Variants in ZSWIM2 observed in about 807,000 individuals in gnomAD.
ZSWIM2 encodes E3 ubiquitin-protein ligase ZSWIM2.
Under a neutral mutation model 48.4 loss-of-function variants are expected in ZSWIM2, and 38 were observed. The ratio of observed to expected loss-of-function variants is 0.79; its 90% confidence interval spans 0.61 to 1.03. The LOEUF (loss-of-function observed/expected upper bound fraction) is 1.03. Among genes scored for constraint, ZSWIM2 ranks in the 50% least tolerant of loss-of-function variants. The pLI, the probability that ZSWIM2 is intolerant of heterozygous loss-of-function variation, is 0.00. For synonymous variants in ZSWIM2, 240 were observed against 251.3 expected (o/e 0.96, Z 0.42); for missense variants, 776 against 730.2 (o/e 1.06, Z -0.72).
At chr2:186,846,786 CAT>C (rs746197579) in intron 2 of ZSWIM2, among the ~76,000 whole-genome samples, 14,362 of 103,130 alleles carry the variant, frequency 0.14, 1,202 homozygotes, top group African/African-American at 0.27. Flanking sequence ...TGTGTATAAA[CAT>C]ATATATATAC....
chr2:186,831,747 C>T (rs1002903511), intron 7 of ZSWIM2, among the ~76,000 whole-genome samples: 8 of 151,956 alleles, frequency 5.3e-5, no homozygotes, highest in Admixed American at 1.3e-4. Flanking sequence ...AAGCTGGAAA[C>T]CATCATTCTC....
At chr2:186,837,588 A>G in intron 4 of ZSWIM2, 34 bp from the exon 5 acceptor site, 1 of 1,553,382 alleles carries the variant, frequency 6.4e-7, no homozygotes, top group Non-Finnish European at 8.7e-7. Flanking sequence ...TACCATTTGT[A>G]TAGAGCAGTT....
intron 7 of ZSWIM2, among the ~76,000 whole-genome samples, chr2:186,831,414 TTTA>T (rs1385315951): frequency 6.6e-6 from 1 of 151,372 alleles, no homozygotes; most frequent in Non-Finnish European, 1.5e-5. Flanking sequence ...TATATATATA[TTTA>T]ATGAGAACAA....
At chr2:186,834,159 C>T in intron 5 of ZSWIM2, 129 bp from the exon 6 acceptor site, 1 of 654,126 alleles carries the variant, frequency 1.5e-6, no homozygotes, top group Non-Finnish European at 2.7e-6. Context: ...TCAAGTCACA[C>T]TGTGTATTAG....
In ZSWIM2 at chr2:186,828,578, A is replaced by G. The variant is rs910905533; in HGVS notation, c.1308T>C (p.Asn436=). ...IPGTGLVLKQ[N]RLGILPSIPQ... The stretch of plus-strand genomic sequence containing the variant: ...GTATGCTAGGTAAAATTCCAAGTCT[A>G]TTTTGTTTTAAGACTAATCCAGTAC... Residue 436 remains asparagine (N), a synonymous_variant, in exon 9 of 9, where the codon AAT becomes AAC. Transcript: ENST00000295131. 2 of 1,612,856 alleles carry G rather than the reference A, an allele frequency of 1.2e-6. No homozygotes were observed. Among genetic ancestry groups the G allele is most frequent in the African/African-American group, 1.3e-5 (1 of 74,864 alleles).
intron 3 of ZSWIM2, among the ~76,000 whole-genome samples, chr2:186,843,308 C>T (rs942136014): frequency 1.3e-5 from 2 of 151,452 alleles, no homozygotes; most frequent in African/African-American, 4.8e-5. Flanking sequence ...AACCATACAA[C>T]CTAGTCATCA....
At chr2:186,842,349 C>T (rs1181520755) in intron 3 of ZSWIM2, among the ~76,000 whole-genome samples, 1 of 151,042 alleles carries the variant, frequency 6.6e-6, no homozygotes, top group Non-Finnish European at 1.5e-5. Context: ...TTACATTGTA[C>T]ACATGGGATT....
rs1559111565 is a variant in ZSWIM2, at chr2:186,830,425, C to T, written c.942-545G>A. Reference sequence around the variant, plus strand: ...TAAGTAGTCACATCAAATAAAAATGCTAACCTAAAATTTTTGAGTTTGAGT... The same window carrying T: ...TAAGTAGTCACATCAAATAAAAATGTTAACCTAAAATTTTTGAGTTTGAGT... On this transcript the variant is annotated intron_variant, in intron 7 of 8. Transcript: ENST00000295131. 3.9e-5 allele frequency among the ~76,000 whole-genome samples: 6 copies of T among 152,110 alleles called. No individual in the cohort carries two copies. In the South Asian group the frequency reaches 1.2e-3, roughly 32 times the overall value.
chr2:186,843,039 C>T lies in ZSWIM2; in HGVS notation c.283+1678G>A, dbSNP rs1006716666. Among the ~76,000 whole-genome samples the T allele has an allele frequency of 7.3e-5, 11 of 151,476 alleles. 1 individual carries two copies. Among genetic ancestry groups the T allele is most frequent in the African/African-American group, 1.5e-4 (6 of 41,342 alleles). On this transcript the variant is annotated intron_variant, in intron 3 of 8. Coordinates refer to ENST00000295131, the MANE Select transcript of ZSWIM2 (RefSeq NM_182521.3). ...GTTCATAACTTTTATATTGATTACA[C>T]GTTGACACAATAATATTTTGATGTA...
chr2:186,828,102 C>T lies in ZSWIM2; in HGVS notation c.1784G>A (p.Ser595Asn). The change falls in exon 9 of 9, where the codon AGT (serine) becomes AAT (asparagine). Residue 595 changes from serine to asparagine, a missense_variant. By Grantham distance (46) the Ser-to-Asn change is conservative (BLOSUM62 1). Transcript: ENST00000295131. ...TCGTGTAATTTCCCCCATACAGTTACTATACCTTTTAGACAAACTAAGTTT... is the reference window on the plus strand; with the variant it reads ...TCGTGTAATTTCCCCCATACAGTTATTATACCTTTTAGACAAACTAAGTTT... ...TAKLSLSKRYSNCMGEITRKC... is the reference protein window; with the variant it reads ...TAKLSLSKRYNNCMGEITRKC... 1 of 1,613,450 alleles carries T rather than the reference C, an allele frequency of 6.2e-7. No individual in the cohort carries two copies. The highest frequency in any genetic ancestry group is 2.2e-5 in the East Asian group (1 of 44,848).
Position 186,827,553 on chromosome 2 carries a change from G to GT in ZSWIM2, c.*430dup, listed in dbSNP as rs34155103. ...AAACTCCTTTATGGAGTTTTTTAAGGTTTTTTTTTATAGGTTTGTGGTAAT... is the reference window on the plus strand; with the variant it reads ...AAACTCCTTTATGGAGTTTTTTAAGGTTTTTTTTTTATAGGTTTGTGGTAAT... On this transcript the variant is annotated 3_prime_UTR_variant, in exon 9 of 9. Coordinates refer to ENST00000295131, the MANE Select transcript of ZSWIM2 (RefSeq NM_182521.3). Among the ~76,000 whole-genome samples the GT allele has an allele frequency of 0.23, 35,100 of 150,326 alleles. 4,501 individuals are homozygous for GT. Among genetic ancestry groups the GT allele is most frequent in the South Asian group, 0.32 (1,512 of 4,776 alleles).
intron 7 of ZSWIM2, among the ~76,000 whole-genome samples, chr2:186,830,808 A>G (rs1691685432): frequency 1.8e-5 from 2 of 113,846 alleles, no homozygotes; most frequent in African/African-American, 9.8e-5. Flanking sequence ...TCCAACTGGT[A>G]AAACAGAACA....
Position 186,828,299 on chromosome 2 carries a change from T to C in ZSWIM2, c.1587A>G (p.Glu529=), listed in dbSNP as rs1691634642. ...GAAATTTTCCACTGATGCATGGACT[T>C]TCCATTGCAGTGGGACACACAATAT... ...HKNIVCPTAM[E]SPCISGKFHT... is the part of the protein sequence containing the mutation. Residue 529 remains glutamate, a synonymous_variant, in exon 9 of 9, where the codon GAA becomes GAG. Transcript: ENST00000295131. The C allele has an allele frequency of 3.1e-6, 5 of 1,613,576 alleles. No homozygotes were observed. The highest frequency in any genetic ancestry group is 4.2e-6 in the Non-Finnish European group (5 of 1,179,816).
At chr2:186,839,319 AT>A (rs1045054901) in intron 3 of ZSWIM2, 150 bp from the exon 4 acceptor site, 2 of 548,532 alleles carry the variant, frequency 3.6e-6, no homozygotes, top group South Asian at 4.3e-5. Flanking sequence ...CCTTCTTTAC[AT>A]TTTTTTCAGA....
chr2:186,833,065 A>G, intron 7 of ZSWIM2, 55 bp downstream of exon 7: 1 of 723,228 alleles, frequency 1.4e-6, no homozygotes, highest in East Asian at 3.0e-5. Flanking sequence ...TCAAATTGAG[A>G]AGTTATTCAA....
chr2:186,848,967 C>T lies in ZSWIM2; in HGVS notation c.164G>A (p.Arg55Gln), dbSNP rs141050031. Residue 55 changes from arginine (R) to glutamine (Q), a missense_variant and splice_region_variant, in exon 1 of 9, where the codon CGA (arginine) becomes CAA (glutamine). Arg to Gln is a conservative substitution (Grantham distance 43, BLOSUM62 1). Transcript: ENST00000295131. ...REEEPEYMDF[R>Q]VFLGNPHVCN... is the part of the protein sequence containing the mutation. ...GGGGGCGGTAGGGGCGGTAGTTACT[C>T]GGAAATCCATGTATTCCGGCTCCTC... The T allele has an allele frequency of 5.6e-6, 9 of 1,613,784 alleles. No homozygotes were observed. Among genetic ancestry groups the T allele is most frequent in the Middle Eastern group, 3.3e-4 (2 of 6,084 alleles).
At chr2:186,833,038 GAATA>G (rs1172632138) in intron 7 of ZSWIM2, 78 bp downstream of exon 7, 2 of 592,666 alleles carry the variant, frequency 3.4e-6, no homozygotes, top group Admixed American at 4.0e-5. Context: ...ATAAATAAAA[GAATA>G]AATAAAACTT....
intron 3 of ZSWIM2, among the ~76,000 whole-genome samples, chr2:186,844,120 G>T (rs1691954636): frequency 6.6e-6 from 1 of 151,530 alleles, no homozygotes; most frequent in East Asian, 1.9e-4. Flanking sequence ...GACAATGACA[G>T]TATCTTTATT....
intron 7 of ZSWIM2, among the ~76,000 whole-genome samples, chr2:186,830,886 T>C (rs1441625648): frequency 6.6e-6 from 1 of 152,150 alleles, no homozygotes; most frequent in African/African-American, 2.4e-5. Flanking sequence ...CAAAAGTCAT[T>C]CAGAACAAAG....
Sources: gnomAD v4.1 joint callset for allele counts (sites outside exome capture counted in the v4.1 genomes callset) on GRCh38, gnomAD v4.1.1 for gene constraint, MANE v1.5 for transcripts, NCBI Gene and HGNC (gene_info 2026-07-23, HGNC 2026-07-21) for gene names.